MCM8: variants seen among roughly 807,000 people sequenced by gnomAD.
The protein encoded by MCM8 is minichromosome maintenance 8 homologous recombination repair factor.
Under a neutral mutation model 98.9 loss-of-function variants are expected in MCM8, and 85 were observed. That is an observed-to-expected ratio of 0.86 (90% CI 0.72 to 1.03). MCM8 has a LOEUF of 1.03. Among genes scored for constraint, MCM8 ranks in the 50% least tolerant of loss-of-function variants. The pLI, the probability that MCM8 is intolerant of heterozygous loss-of-function variation, is 0.00. For synonymous variants in MCM8, 352 were observed against 338.6 expected, an observed-to-expected ratio of 1.04 and a Z score of -0.44; for missense variants, 951 against 997.8, an observed-to-expected ratio of 0.95 and a Z score of 0.63.
intron 7 of MCM8, among the ~76,000 whole-genome samples, chr20:5,959,392 CT>C (rs2089077419): frequency 6.6e-6 from 1 of 152,106 alleles, no homozygotes; most frequent in African/African-American, 2.4e-5. Flanking sequence ...CATTTTTATT[CT>C]TGACTACATG....
intron 10 of MCM8, among the ~76,000 whole-genome samples, chr20:5,971,598 A>G (rs759958931): frequency 6.6e-6 from 1 of 152,202 alleles, no homozygotes; most frequent in Non-Finnish European, 1.5e-5. Context: ...TTAGAGTATT[A>G]TATACTGAGT....
intron 13 of MCM8, among the ~76,000 whole-genome samples, chr20:5,982,441 A>G (rs1600294777): frequency 6.6e-6 from 1 of 152,144 alleles, no homozygotes; most frequent in South Asian, 2.1e-4. Flanking sequence ...AATAGACATG[A>G]CATTCCTGGT....
At chr20:5,968,682 A>G (rs1025102200) in intron 10 of MCM8, among the ~76,000 whole-genome samples, 22 of 152,276 alleles carry the variant, frequency 1.4e-4, no homozygotes, top group African/African-American at 5.1e-4. Context: ...GAACATATAT[A>G]TGGCTCACAT....
chr20:5,956,855 G>A (rs16991589), intron 5 of MCM8, among the ~76,000 whole-genome samples: 3,661 of 151,854 alleles, frequency 0.024, 130 homozygotes, highest in African/African-American at 0.077. Context: ...GGGGACTAAT[G>A]TAAGGGCTTT....
intron 18 of MCM8, chr20:5,993,939 T>C (rs1022583112): frequency 2.6e-6 from 1 of 381,710 alleles, no homozygotes; most frequent in Middle Eastern, 7.1e-4. Context: ...TAAATGGACA[T>C]GATTATACCA....
Position 5,996,914 on chromosome 20 carries a change from GGGTGTCCCC to G in MCM8, c.*2524_*2532del, listed in dbSNP as rs2089964727. 6.6e-6 allele frequency: 1 copy of G among 152,226 alleles called. No homozygotes were observed. The highest frequency in any genetic ancestry group is 1.5e-5 in the Non-Finnish European group (1 of 68,084). The allele number at this position is 152,226 out of a possible 1,614,324, so 9.4% of individuals were successfully genotyped here. On this transcript the variant is annotated 3_prime_UTR_variant, in exon 19 of 19. Coordinates refer to ENST00000610722, the MANE Select transcript of MCM8 (RefSeq NM_032485.6). ...AGTATTTCACTTCCTGCCCAATAGT[GGGTGTCCCC>G]ACACCTTTCAACCACTGTAGCAACA...
chr20:5,958,725 A>G lies in MCM8; in HGVS notation c.788A>G (p.Lys263Arg). ...LPDGKYSLPTKCPVPVCRGRS... is the reference protein window; with the variant it reads ...LPDGKYSLPTRCPVPVCRGRS... ...GATGGAAAATACAGTCTTCCCACAA[A>G]GGTAATACGTTCTTTAACTGCTTCT... is the stretch of plus-strand genomic sequence containing the variant. The change falls in exon 7 of 19, where the codon AAG becomes AGG. Residue 263 changes from lysine (K) to arginine (R), a missense_variant and splice_region_variant. Transcript: ENST00000610722. 6.2e-7 allele frequency: 1 copy of G among 1,613,828 alleles called. No homozygotes were observed.
At chr20:5,990,754 T>A (rs1464402559) in intron 17 of MCM8, among the ~76,000 whole-genome samples, 2 of 152,236 alleles carry the variant, frequency 1.3e-5, no homozygotes, top group African/African-American at 2.4e-5. Flanking sequence ...GAATTTTTTT[T>A]AATTTTAACT....
chr20:5,976,998 A>G (rs1317617443), intron 12 of MCM8, among the ~76,000 whole-genome samples: 2 of 152,244 alleles, frequency 1.3e-5, no homozygotes, highest in Non-Finnish European at 2.9e-5. Flanking sequence ...GGCTAACACC[A>G]ACTGTTATGA....
chr20:5,966,280 C>T (rs754396381), intron 8 of MCM8, among the ~76,000 whole-genome samples: 3 of 152,040 alleles, frequency 2.0e-5, no homozygotes, highest in Admixed American at 6.6e-5. Flanking sequence ...TTGTCTTCAA[C>T]TCTAGAATAT....
At position 5,957,118 on chromosome 20, in the gene MCM8, C is replaced by T; in HGVS notation, c.487-8C>T. ...TCCAACTTCAGAGTAAATGTCTGTC[C>T]TGTTTAGGTGTTAACTAAGGACCTT... On this transcript the variant is annotated splice_polypyrimidine_tract_variant and splice_region_variant and intron_variant, in intron 5 of 18. Transcript: ENST00000610722. The T allele has an allele frequency of 6.3e-7, 1 of 1,597,986 alleles. No homozygotes were observed. The highest frequency in any genetic ancestry group is 8.6e-7 in the Non-Finnish European group (1 of 1,167,318).
At chr20:5,972,976 A>T (rs1014835629) in intron 11 of MCM8, 80 bp from the exon 12 acceptor site, 14 of 1,479,704 alleles carry the variant, frequency 9.5e-6, no homozygotes, top group Non-Finnish European at 1.3e-5. Flanking sequence ...AATTAATATT[A>T]TAGAAGGAGG....
rs11472210 is a variant in MCM8 at position 5,994,478 on chromosome 20, G to GACACACACACACACACACACACACAC, written c.*107_*132dup. The GACACACACACACACACACACACACAC allele has an allele frequency of 2.7e-6, 1 of 365,546 alleles. No individual in the cohort carries two copies. The highest frequency in any genetic ancestry group is 2.3e-5 in the African/African-American group (1 of 42,596). The allele number at this position is 365,546 out of a possible 1,614,324, so 22.6% of individuals were successfully genotyped here. A position where few individuals can be genotyped will look rare whatever the true frequency, so the allele number is the denominator to read the frequency against. ...ATATGCGTGCACGCACAGACAGACAGACACACACACACACACACACACACA... is the reference window on the plus strand; with the variant it reads ...ATATGCGTGCACGCACAGACAGACAGACACACACACACACACACACACACACACACACACACACACACACACACACA... On this transcript the variant is annotated 3_prime_UTR_variant, in exon 19 of 19. Coordinates refer to ENST00000610722, the MANE Select transcript of MCM8 (RefSeq NM_032485.6).
chr20:5,952,112 GAA>G lies in MCM8; in HGVS notation c.99_100del (p.Glu35ThrfsTer4). 6.2e-7 allele frequency: 1 copy of G among 1,614,038 alleles called. No homozygotes were observed. Among genetic ancestry groups the G allele is most frequent in the Non-Finnish European group, 8.5e-7 (1 of 1,180,012 alleles). ...GGGNFSGKWREREHRPDLSKT... is the reference protein window; with the variant it reads ...GGGNFSGKWRXREHRPDLSKT... ...TGGGAACTTCTCAGGAAAATGGAGAGAAAGAGAACACAGACCTGATCTGAGTA... is the reference window on the plus strand; with the variant it reads ...TGGGAACTTCTCAGGAAAATGGAGAGAGAGAACACAGACCTGATCTGAGTA... On this transcript the variant is annotated frameshift_variant, in exon 2 of 19. Transcript: ENST00000610722. LOFTEE classifies it high-confidence loss of function.
intron 3 of MCM8, among the ~76,000 whole-genome samples, chr20:5,953,778 C>T (rs1174141934): frequency 6.8e-5 from 10 of 147,976 alleles, no homozygotes; most frequent in Admixed American, 5.4e-4. Context: ...CAGCCGCATA[C>T]TTTTTTTTTT....
intron 6 of MCM8, among the ~76,000 whole-genome samples, chr20:5,958,109 A>G (rs1456024579): frequency 6.6e-6 from 1 of 152,230 alleles, no homozygotes; most frequent in Non-Finnish European, 1.5e-5. Flanking sequence ...ACGGTGGCTC[A>G]TGCCTGTAAT....
intron 14 of MCM8, 105 bp downstream of exon 14, chr20:5,983,270 A>C: frequency 1.0e-6 from 1 of 997,978 alleles, no homozygotes; most frequent in Non-Finnish European, 1.4e-6. Context: ...TGGATATTTC[A>C]CAGAAGTTAT....
intron 11 of MCM8, 115 bp from the exon 12 acceptor site, chr20:5,972,941 A>T: frequency 1.5e-6 from 2 of 1,377,950 alleles, no homozygotes; most frequent in South Asian, 3.0e-5. Flanking sequence ...AAAAATTATC[A>T]TGCTTTTAAA....
intron 3 of MCM8, among the ~76,000 whole-genome samples, chr20:5,953,687 A>T (rs1021537986): frequency 2.0e-5 from 3 of 151,574 alleles, no homozygotes; most frequent in Non-Finnish European, 2.9e-5. Flanking sequence ...GTTAGCTAGG[A>T]TGGTCTTGAT....
Sources: allele counts gnomAD v4.1 joint callset (sites outside exome capture counted in the v4.1 genomes callset), GRCh38; gene constraint gnomAD v4.1.1; transcripts MANE v1.5; gene names NCBI Gene and HGNC (gene_info 2026-07-23, HGNC 2026-07-21).